Variants in SCAND3 observed in about 807,000 individuals in gnomAD.
SCAND3 encodes SCAN domain containing 3, also known as SCAN domain-containing protein 3.
chr6:28,583,675 C>T, the SCAND3 span, among the ~76,000 whole-genome samples: 1 of 152,190 alleles, frequency 6.6e-6, no homozygotes, highest in African/African-American at 2.4e-5. Flanking sequence ...TGAAATCATG[C>T]TGCGTTCTGC....
the SCAND3 span, among the ~76,000 whole-genome samples, chr6:28,592,114 A>G: frequency 6.6e-6 from 1 of 152,354 alleles, no homozygotes; most frequent in East Asian, 1.9e-4. This position sits in a 1 kb window ranked among gnomAD's most constrained non-coding sequence, Gnocchi z 4.1. Context: ...ATTAGATAAG[A>G]GAAAGACATA....
chr6:28,575,449 T>C, the SCAND3 span: 5 of 1,613,924 alleles, frequency 3.1e-6, no homozygotes, highest in South Asian at 3.3e-5. This position sits in a 1 kb window ranked among gnomAD's most constrained non-coding sequence, Gnocchi z 4.2. Context: ...TAAAAGAGCA[T>C]GTGCAACTTC....
At chr6:28,592,351 A>G in the SCAND3 span, among the ~76,000 whole-genome samples, 1 of 152,194 alleles carries the variant, frequency 6.6e-6, no homozygotes. The surrounding 1 kb of genome is among the most constrained non-coding windows in gnomAD (Gnocchi z 4.1). Flanking sequence ...ACAAAAACAA[A>G]ATAAAATACT....
chr6:28,600,169 A>G, the SCAND3 span, among the ~76,000 whole-genome samples: 10 of 152,344 alleles, frequency 6.6e-5, no homozygotes, highest in African/African-American at 2.4e-4. Flanking sequence ...TCTGTGAAAT[A>G]CACCGTTAAG....
At chr6:28,580,897 G>A in the SCAND3 span, among the ~76,000 whole-genome samples, 3,735 of 148,814 alleles carry the variant, frequency 0.025, 55 homozygotes, top group South Asian at 0.058. Context: ...TCTTAGAACC[G>A]GGAGGAACTC....
At chr6:28,603,254 G>A in the SCAND3 span, among the ~76,000 whole-genome samples, 2 of 152,174 alleles carry the variant, frequency 1.3e-5, no homozygotes, top group African/African-American at 4.8e-5. Flanking sequence ...CACCGTGCCC[G>A]CCCAAAATAA....
chr6:28,598,869 T>A, the SCAND3 span, among the ~76,000 whole-genome samples: 1 of 111,980 alleles, frequency 8.9e-6, no homozygotes. Flanking sequence ...AGAGTGAGAC[T>A]ATGTCTCAAA....
chr6:28,590,948 T>C, the SCAND3 span: 2 of 152,216 alleles, frequency 1.3e-5, no homozygotes, highest in South Asian at 4.1e-4. Context: ...CTTTCCACTT[T>C]GTTGATGTTA....
At chr6:28,603,913 C>T in the SCAND3 span, among the ~76,000 whole-genome samples, 68 of 152,286 alleles carry the variant, frequency 4.5e-4, no homozygotes, top group African/African-American at 1.2e-3. Flanking sequence ...ATGTCTGATA[C>T]TTGGCAAGGG....
At chr6:28,574,997 C>T in the SCAND3 span, 1 of 1,613,906 alleles carries the variant, frequency 6.2e-7, no homozygotes, top group Admixed American at 1.7e-5. Context: ...GTTCCAGTCT[C>T]AATGTTTTCT....
the SCAND3 span, among the ~76,000 whole-genome samples, chr6:28,612,910 C>T: frequency 1.3e-5 from 2 of 152,130 alleles, no homozygotes; most frequent in Non-Finnish European, 2.9e-5. Context: ...CATTTCACTT[C>T]CAAAAGTCCT....
the SCAND3 span, among the ~76,000 whole-genome samples, chr6:28,583,333 G>A: frequency 9.7e-3 from 1,482 of 152,282 alleles, 12 homozygotes; most frequent in Admixed American, 0.02. Context: ...AGTGAGCCGA[G>A]ATCGTGCCAC....
chr6:28,608,866 G>A, the SCAND3 span, among the ~76,000 whole-genome samples: 1 of 151,762 alleles, frequency 6.6e-6, no homozygotes, highest in Non-Finnish European at 1.5e-5. Flanking sequence ...GTGCATGCCT[G>A]TATTCCCAGC....
At chr6:28,609,370 C>T in the SCAND3 span, among the ~76,000 whole-genome samples, 1 of 152,184 alleles carries the variant, frequency 6.6e-6, no homozygotes, top group Admixed American at 6.5e-5. Flanking sequence ...CATATTCAAC[C>T]TTTGGAGGTT....
chr6:28,576,174 G>A, the SCAND3 span: 178 of 1,491,076 alleles, frequency 1.2e-4, no homozygotes, highest in East Asian at 4.0e-3. Flanking sequence ...GAATATTCAG[G>A]AATATAATTT....
chr6:28,614,147 G>C, the SCAND3 span, among the ~76,000 whole-genome samples: 1 of 151,834 alleles, frequency 6.6e-6, no homozygotes, highest in East Asian at 1.9e-4. Context: ...ATTTTTAGTA[G>C]AGACAGAGTT....
chr6:28,579,562 G>A, the SCAND3 span: 2 of 780,830 alleles, frequency 2.6e-6, no homozygotes, highest in Non-Finnish European at 4.0e-6. This position sits in a 1 kb window ranked among gnomAD's most constrained non-coding sequence, Gnocchi z 4.5. Context: ...AACATGAAGA[G>A]AAATGAAAAA....
the SCAND3 span, chr6:28,571,718 A>C: frequency 4.0e-6 from 2 of 496,332 alleles, no homozygotes; most frequent in Non-Finnish European, 6.7e-6. Context: ...AGAATTATAA[A>C]AACTGTACAC....
At chr6:28,592,259 C>T in the SCAND3 span, among the ~76,000 whole-genome samples, 1 of 152,080 alleles carries the variant, frequency 6.6e-6, no homozygotes, top group Non-Finnish European at 1.5e-5. This position sits in a 1 kb window ranked among gnomAD's most constrained non-coding sequence, Gnocchi z 4.1. Context: ...ACAAAATCAA[C>T]ATTAAACAAT....
Sources: gnomAD v4.1 joint callset for allele counts (sites outside exome capture counted in the v4.1 genomes callset) on GRCh38, gnomAD v4.1.1 for gene constraint, Gnocchi (gnomAD v3.1) non-coding constraint, MANE v1.5 for transcripts, NCBI Gene and HGNC (gene_info 2026-07-23, HGNC 2026-07-21) for gene names.